Variants in CDH6 observed in about 807,000 individuals in gnomAD.
CDH6 encodes the protein cadherin 6.
CDH6 carries 31 observed loss-of-function variants against 78.0 expected under a neutral mutation model. The ratio of observed to expected loss-of-function variants is 0.40; its 90% CI spans 0.30 to 0.54. The LOEUF is 0.54. CDH6 is among the 20% of genes least tolerant of loss of function. CDH6 has a pLI of 0.56. For missense variants in CDH6, 724 were observed against 975.9 expected (o/e 0.74, Z 3.44); for synonymous variants, 376 against 368.8 (o/e 1.02, Z -0.23).
chr5:31,194,819 A>G (rs1740118415), intron 1 of CDH6, among the ~76,000 whole-genome samples: 1 of 152,234 alleles, frequency 6.6e-6, no homozygotes, highest in South Asian at 2.1e-4. Flanking sequence ...GGACTGCAGC[A>G]GTTGCAGAGC....
chr5:31,205,337 C>G (rs1740486169), intron 1 of CDH6, among the ~76,000 whole-genome samples: 1 of 152,114 alleles, frequency 6.6e-6, no homozygotes, highest in Non-Finnish European at 1.5e-5. Flanking sequence ...GAAGGAAGCC[C>G]TATCAGTGGT....
At chr5:31,259,779 G>A (rs769677801) in intron 1 of CDH6, among the ~76,000 whole-genome samples, 20 of 152,200 alleles carry the variant, frequency 1.3e-4, no homozygotes, top group Non-Finnish European at 1.9e-4. Context: ...TCAAGAGCCA[G>A]GCAAGGTGCT....
intron 1 of CDH6, among the ~76,000 whole-genome samples, chr5:31,196,471 T>A (rs1389418998): frequency 6.6e-6 from 1 of 152,224 alleles, no homozygotes; most frequent in Non-Finnish European, 1.5e-5. Context: ...CGGTAGTTGC[T>A]TTGCAGTCAC....
At chr5:31,237,991 A>G (rs1247217430) in intron 1 of CDH6, among the ~76,000 whole-genome samples, 1 of 152,192 alleles carries the variant, frequency 6.6e-6, no homozygotes, top group Non-Finnish European at 1.5e-5. Context: ...CCTAGTACCT[A>G]AAAGATGGCC....
intron 1 of CDH6, among the ~76,000 whole-genome samples, chr5:31,214,232 T>G (rs1311379418): frequency 2.6e-5 from 4 of 152,082 alleles, no homozygotes; most frequent in Non-Finnish European, 4.4e-5. Context: ...ACAAGGCATG[T>G]CAAACAACTC....
intron 2 of CDH6, among the ~76,000 whole-genome samples, chr5:31,274,015 T>G (rs897275178): frequency 1.3e-5 from 2 of 152,238 alleles, no homozygotes; most frequent in African/African-American, 4.8e-5. Flanking sequence ...GCAAGTGCCT[T>G]GGGCACATCT....
At position 31,265,422 on chromosome 5, in the gene CDH6, C is replaced by T. The variant is rs80267906; in HGVS notation, c.-128-1924C>T. Among the ~76,000 whole-genome samples, 1,463 of 152,242 alleles carry T rather than the reference C, an allele frequency of 9.6e-3. 18 individuals carry two copies. The highest frequency in any genetic ancestry group is 0.05 in the South Asian group (241 of 4,824). On this transcript the variant is annotated intron_variant, in intron 1 of 11. Transcript: ENST00000265071. Reference sequence around the variant, plus strand: ...TCCCCAGCCTGCTGTCAAGAAGATGCATAATAATGGAATAAAGGATTTAAA... The same window carrying T: ...TCCCCAGCCTGCTGTCAAGAAGATGTATAATAATGGAATAAAGGATTTAAA...
intron 4 of CDH6, 77 bp from the exon 5 acceptor site, chr5:31,299,387 T>C (rs1737696206): frequency 1.7e-6 from 2 of 1,180,216 alleles, no homozygotes; most frequent in East Asian, 2.4e-5. Context: ...TGACAGTTTA[T>C]GTTGTTTGCA....
At chr5:31,305,777 C>A (rs910810256) in intron 7 of CDH6, among the ~76,000 whole-genome samples, 1 of 152,154 alleles carries the variant, frequency 6.6e-6, no homozygotes, top group Non-Finnish European at 1.5e-5. Context: ...CTTATAGTAC[C>A]AATTCAATGT....
intron 2 of CDH6, among the ~76,000 whole-genome samples, chr5:31,273,713 TGTG>T (rs1474220161): frequency 6.6e-6 from 1 of 150,958 alleles, no homozygotes; most frequent in African/African-American, 2.4e-5. Context: ...GAGAATCTAT[TGTG>T]TGAAACCCAA....
At chr5:31,253,555 C>A (rs547438278) in intron 1 of CDH6, among the ~76,000 whole-genome samples, 2 of 152,230 alleles carry the variant, frequency 1.3e-5, no homozygotes, top group East Asian at 3.9e-4. Flanking sequence ...TCTCTGGGAT[C>A]TCCTTTCTAA....
At position 31,327,500 on chromosome 5, in the gene CDH6, T is replaced by C. The variant is rs1338452500; in HGVS notation, c.*4192T>C. 1.6e-5 allele frequency: 3 copies of C among 191,460 alleles called. No homozygotes were observed. The highest frequency in any genetic ancestry group is 3.3e-5 in the Non-Finnish European group (3 of 91,582). The allele number at this position is 191,460 out of a possible 1,614,324, so 11.9% of individuals were successfully genotyped here. A position where few individuals can be genotyped will look rare whatever the true frequency, so the allele number is the denominator to read the frequency against. ...AGATGAAATCTTGTTTGAATTGTGATATTATAAAAGGGGACTCAAAAATCC... is the reference window on the plus strand; with the variant it reads ...AGATGAAATCTTGTTTGAATTGTGACATTATAAAAGGGGACTCAAAAATCC... On this transcript the variant is annotated 3_prime_UTR_variant, in exon 12 of 12. Coordinates refer to ENST00000265071, the MANE Select transcript of CDH6 (RefSeq NM_004932.4).
intron 1 of CDH6, among the ~76,000 whole-genome samples, chr5:31,212,914 A>G (rs1250106539): frequency 6.6e-6 from 1 of 152,136 alleles, no homozygotes; most frequent in Admixed American, 6.5e-5. Context: ...TTCCTTTGCT[A>G]TTCCCCACTC....
intron 1 of CDH6, among the ~76,000 whole-genome samples, chr5:31,244,816 G>C (rs1741698490): frequency 6.6e-6 from 1 of 152,144 alleles, no homozygotes; most frequent in African/African-American, 2.4e-5. Context: ...CCTGGGGCAA[G>C]GTACTTACTA....
rs1738675865 is a variant in CDH6 at position 31,329,053 on chromosome 5, T to A, written c.*5745T>A. On this transcript the variant is annotated 3_prime_UTR_variant, in exon 12 of 12. Transcript: ENST00000265071. The stretch of plus-strand genomic sequence containing the variant: ...TTTGAAAAGAATGCAATTTAAAAAG[T>A]GATTTCTCACAAAGAGTAAATATGC... The A allele has an allele frequency of 9.5e-6, 2 of 209,756 alleles. No homozygotes were observed. The highest frequency in any genetic ancestry group is 9.7e-6 in the Non-Finnish European group (1 of 103,404). 13.0% of individuals were successfully genotyped at this position (209,756 alleles called of 1,614,324 possible).
intron 2 of CDH6, among the ~76,000 whole-genome samples, chr5:31,283,135 G>C (rs891799574): frequency 6.6e-6 from 1 of 152,134 alleles, no homozygotes; most frequent in African/African-American, 2.4e-5. Flanking sequence ...GTCACATCTT[G>C]GGAAGACGCT....
chr5:31,283,972 G>A (rs990317694), intron 2 of CDH6, among the ~76,000 whole-genome samples: 2 of 151,922 alleles, frequency 1.3e-5, no homozygotes, highest in Non-Finnish European at 2.9e-5. Context: ...GCACCACCAC[G>A]CCCAGCTAAT....
At chr5:31,316,109 T>C in intron 8 of CDH6, 99 bp from the exon 9 acceptor site, 2 of 1,277,156 alleles carry the variant, frequency 1.6e-6, no homozygotes, top group South Asian at 3.2e-5. Flanking sequence ...TTGGGGAATC[T>C]GTGCATGAAT....
intron 1 of CDH6, among the ~76,000 whole-genome samples, chr5:31,214,841 A>G (rs752642531): frequency 7.9e-5 from 12 of 152,178 alleles, no homozygotes; most frequent in Non-Finnish European, 1.5e-4. Context: ...AAGCTTCACA[A>G]TTCATATCAG....
Sources: gnomAD v4.1 joint callset for allele counts (sites outside exome capture counted in the v4.1 genomes callset) on GRCh38, gnomAD v4.1.1 for gene constraint, MANE v1.5 for transcripts, NCBI Gene and HGNC (gene_info 2026-07-23, HGNC 2026-07-21) for gene names.